Variants in PRKAG2 observed in about 807,000 individuals in gnomAD.
PRKAG2 encodes 5'-AMP-activated protein kinase subunit gamma-2.
In PRKAG2, 26 loss-of-function variants were observed where a neutral mutation model predicts 69.6. The observed-to-expected ratio is 0.37, with a 90% CI of 0.27 to 0.52. The LOEUF is 0.52. Among genes scored for constraint, PRKAG2 ranks in the 20% least tolerant of loss-of-function variants. The pLI, the probability that PRKAG2 is intolerant of heterozygous loss-of-function variation, is 0.90. For missense variants in PRKAG2, 557 were observed against 740.0 expected (o/e 0.75, Z 2.87); for synonymous variants, 293 against 285.0 (o/e 1.03, Z -0.28).
rs1825020652 is a variant in PRKAG2 at position 151,632,842 on chromosome 7, C to T, written c.685-704G>A. The T allele has an allele frequency of 6.5e-6, 1 of 152,816 alleles. No individual in the cohort carries two copies. Among genetic ancestry groups the T allele is most frequent in the African/African-American group, 2.4e-5 (1 of 41,462 alleles). The allele number at this position is 152,816 out of a possible 1,614,324, so 9.5% of individuals were successfully genotyped here. On this transcript the variant is annotated intron_variant, in intron 4 of 15. Coordinates refer to ENST00000287878, the MANE Select transcript of PRKAG2 (RefSeq NM_016203.4). This position sits in a 1 kb window ranked among gnomAD's most constrained non-coding sequence, Gnocchi z 4.2. ...TTTCCAGCATGGAACTCTTAATTCG[C>T]GTCCTCTCTTCGCAGCCGAGTGTCT...
chr7:151,693,110 C>T (rs973057857), intron 3 of PRKAG2, among the ~76,000 whole-genome samples: 22 of 152,212 alleles, frequency 1.4e-4, no homozygotes, highest in Admixed American at 2.0e-4. Flanking sequence ...CTCAGTCACC[C>T]GGCGCTCCTG....
chr7:151,832,145 G>A (rs1174602879), intron 1 of PRKAG2, among the ~76,000 whole-genome samples: 1 of 151,892 alleles, frequency 6.6e-6, no homozygotes, highest in East Asian at 1.9e-4. Context: ...GTCCCTCCCA[G>A]AATGCTTGAA....
intron 1 of PRKAG2, among the ~76,000 whole-genome samples, chr7:151,838,908 G>A (rs987385784): frequency 3.3e-5 from 5 of 151,316 alleles, no homozygotes; most frequent in African/African-American, 9.7e-5. Flanking sequence ...CCAGCTACTC[G>A]AGAGGCTTAG....
At chr7:151,823,046 A>ACG (rs574210472) in intron 1 of PRKAG2, among the ~76,000 whole-genome samples, 5,534 of 113,250 alleles carry the variant, frequency 0.049, 77 homozygotes, top group African/African-American at 0.064. Flanking sequence ...CCCACCCCAC[A>ACG]GCGGAAAACG....
rs1418991533 is a variant in PRKAG2 at position 151,632,310 on chromosome 7, C to A, written c.685-172G>T. 2 of 894,110 alleles carry A rather than the reference C, an allele frequency of 2.2e-6. No homozygotes were observed. Among genetic ancestry groups the A allele is most frequent in the African/African-American group, 1.8e-5 (1 of 54,846 alleles). 55.4% of individuals were successfully genotyped at this position (894,110 alleles called of 1,614,324 possible). On this transcript the variant is annotated intron_variant, in intron 4 of 15. Coordinates refer to ENST00000287878, the MANE Select transcript of PRKAG2 (RefSeq NM_016203.4). The surrounding 1 kb of genome is among the most constrained non-coding windows in gnomAD (Gnocchi z 4.2). ...GGGGGCGGAGCGGGAGCGCTGCCCC[C>A]ACCCGCCCGAGGCCGCCGCCGCCGC... is the stretch of plus-strand genomic sequence containing the variant.
At position 151,672,285 on chromosome 7, in the gene PRKAG2, G is replaced by T. The variant is rs10231614; in HGVS notation, c.684+3135C>A. Among the ~76,000 whole-genome samples, 1,453 of 151,686 alleles carry T rather than the reference G, an allele frequency of 9.6e-3. 26 individuals carry two copies. The highest frequency in any genetic ancestry group is 0.034 in the African/African-American group (1,394 of 41,330). ...CCCGGGTAATTTTTTGTATTTTTAG[G>T]AGAGACGGGGCTTCACCGTATTAGC... On this transcript the variant is annotated intron_variant, in intron 4 of 15. Coordinates refer to ENST00000287878, the MANE Select transcript of PRKAG2 (RefSeq NM_016203.4).
chr7:151,695,328 T>C (rs1034718051), intron 3 of PRKAG2, among the ~76,000 whole-genome samples: 1 of 152,216 alleles, frequency 6.6e-6, no homozygotes, highest in Non-Finnish European at 1.5e-5. Context: ...CTGTCTTCCT[T>C]CTGAATAAAG....
Position 151,804,997 on chromosome 7 carries a change from G to A in PRKAG2, c.115-18456C>T, listed in dbSNP as rs1015963720. 2.0e-5 allele frequency among the ~76,000 whole-genome samples: 3 copies of A among 152,174 alleles called. 1 individual carries two copies. The highest frequency in any genetic ancestry group is 4.1e-4 in the South Asian group (2 of 4,824). ...GTGGCTCAACGCATGGCAGGCACAG[G>A]GGCTCCATGGGGTAAGTAGCCCACA... On this transcript the variant is annotated intron_variant, in intron 1 of 15. Transcript: ENST00000287878.
At chr7:151,652,256 T>C (rs1585512365) in intron 4 of PRKAG2, among the ~76,000 whole-genome samples, 2 of 152,182 alleles carry the variant, frequency 1.3e-5, no homozygotes, top group Admixed American at 6.5e-5. Flanking sequence ...TCTCTTTTTT[T>C]CCAACCGCCT....
intron 3 of PRKAG2, chr7:151,735,946 T>C (rs1799723839): frequency 2.0e-6 from 3 of 1,536,268 alleles, no homozygotes; most frequent in Admixed American, 2.0e-5. Flanking sequence ...TGCTTCGATT[T>C]TGGTCCTTGT....
chr7:151,811,592 G>A (rs62478246), intron 1 of PRKAG2, among the ~76,000 whole-genome samples: 22,380 of 152,250 alleles, frequency 0.15, 1,856 homozygotes, highest in South Asian at 0.24. Flanking sequence ...AGGATGTTTG[G>A]TTCAGGCCAA....
chr7:151,597,831 C>CG lies in PRKAG2; in HGVS notation c.755-2378dup, dbSNP rs1554482742. Among the ~76,000 whole-genome samples the CG allele has an allele frequency of 1.0e-3, 150 of 149,696 alleles. 1 individual carries two copies. The highest frequency in any genetic ancestry group is 1.9e-3 in the Non-Finnish European group (127 of 67,260). On this transcript the variant is annotated intron_variant, in intron 5 of 15. Transcript: ENST00000287878. ...GTGGACAAAAGGGAGCCCCCCCCCC[C>CG]GCTCTTTTATTGAACTATTGGTGGG...
chr7:151,645,964 G>A (rs1592443), intron 4 of PRKAG2, among the ~76,000 whole-genome samples: 77,908 of 152,002 alleles, frequency 0.51, 21,257 homozygotes, highest in African/African-American at 0.71. Context: ...AAAAGATTTT[G>A]CTGCCTCACT....
intron 3 of PRKAG2, among the ~76,000 whole-genome samples, chr7:151,737,520 C>T (rs76846458): frequency 6.6e-6 from 1 of 152,072 alleles, no homozygotes; most frequent in Non-Finnish European, 1.5e-5. Flanking sequence ...GGTGGGATAA[C>T]CTCCCAAAAC....
intron 1 of PRKAG2, among the ~76,000 whole-genome samples, chr7:151,794,797 G>A (rs530886085): frequency 1.3e-5 from 2 of 152,384 alleles, no homozygotes; most frequent in South Asian, 4.1e-4. Flanking sequence ...ATCACAGCAT[G>A]GCCGCTGCCA....
At chr7:151,871,318 T>A (rs2080215261) in intron 1 of PRKAG2, among the ~76,000 whole-genome samples, 2 of 152,234 alleles carry the variant, frequency 1.3e-5, no homozygotes, top group Non-Finnish European at 2.9e-5. Flanking sequence ...TAATCAGCCA[T>A]GCCTTACAAG....
At chr7:151,736,268 G>A in intron 3 of PRKAG2, 1 of 1,306,612 alleles carries the variant, frequency 7.7e-7, no homozygotes, top group East Asian at 3.0e-5. Context: ...CACAGCAGCT[G>A]GAGCGTCAGC....
chr7:151,787,617 G>T (rs1434529931), intron 1 of PRKAG2, among the ~76,000 whole-genome samples: 2 of 152,054 alleles, frequency 1.3e-5, no homozygotes, highest in Non-Finnish European at 2.9e-5. Flanking sequence ...TGGACATTTG[G>T]GTTGCTTCTA....
At chr7:151,669,981 CACACACTTGCATGCAT>C (rs1215408752) in intron 4 of PRKAG2, among the ~76,000 whole-genome samples, 2 of 71,332 alleles carry the variant, frequency 2.8e-5, no homozygotes, top group Admixed American at 1.5e-4. Context: ...CACCTGTGCA[CACACACTTGCATGCAT>C]ACACACCTGT....
Sources: allele counts gnomAD v4.1 joint callset (sites outside exome capture counted in the v4.1 genomes callset), GRCh38; gene constraint gnomAD v4.1.1; non-coding constraint Gnocchi (gnomAD v3.1); transcripts MANE v1.5; gene names NCBI Gene and HGNC (gene_info 2026-07-23, HGNC 2026-07-21).